The following PLSCR2 variants were observed in gnomAD, a reference collection of about 807,000 sequenced individuals.
PLSCR2 encodes PL scramblase 2.
PLSCR2 carries 18 observed loss-of-function variants against 25.3 expected under a neutral mutation model. The observed-to-expected ratio is 0.71, with a 90% CI of 0.49 to 1.06. PLSCR2 has a LOEUF of 1.06. Among genes scored for constraint, PLSCR2 ranks in the 50% least tolerant of loss-of-function variants. PLSCR2 has a pLI of 0.00. For missense variants in PLSCR2, 243 were observed against 269.5 expected, an observed-to-expected ratio of 0.90 and a Z score of 0.69; for synonymous variants, 88 against 87.3, an observed-to-expected ratio of 1.01 and a Z score of -0.04.
At chr3:146,404,855 G>A (rs561376656) in intron 2 of PLSCR2, among the ~76,000 whole-genome samples, 1 of 146,550 alleles carries the variant, frequency 6.8e-6, no homozygotes, top group South Asian at 2.2e-4. Flanking sequence ...TCCCAGGTAA[G>A]TCCAAAGTCC....
chr3:146,451,190 C>G (rs928337139), intron 5 of PLSCR2, among the ~76,000 whole-genome samples: 3 of 143,718 alleles, frequency 2.1e-5, no homozygotes, highest in Non-Finnish European at 4.5e-5. Context: ...TCTCCGCTCA[C>G]TGCAACCTCC....
chr3:146,440,943 G>A (rs925678050), downstream of PLSCR2, among the ~76,000 whole-genome samples: 1 of 151,820 alleles, frequency 6.6e-6, no homozygotes, highest in African/African-American at 2.4e-5. Context: ...ACATATTCTG[G>A]GAATGATAGA....
chr3:146,481,532 G>A (rs560915340), intron 1 of PLSCR2, among the ~76,000 whole-genome samples: 1 of 152,276 alleles, frequency 6.6e-6, no homozygotes, highest in East Asian at 1.9e-4. Context: ...AGGATGTGAA[G>A]GACCTCTTCA....
intron 1 of PLSCR2, among the ~76,000 whole-genome samples, chr3:146,477,251 C>T (rs2042320881): frequency 2.0e-5 from 3 of 152,146 alleles, no homozygotes; most frequent in South Asian, 4.1e-4. Context: ...TGGGTGCAGC[C>T]CACGGAGGGT....
At chr3:146,434,992 A>G (rs935698843) in intron 8 of PLSCR2, among the ~76,000 whole-genome samples, 1 of 142,188 alleles carries the variant, frequency 7.0e-6, no homozygotes, top group Admixed American at 7.6e-5. Flanking sequence ...TCATTATTCA[A>G]TTCCCACCTA....
intron 1 of PLSCR2, chr3:146,469,071 C>T (rs746309141): frequency 1.2e-4 from 111 of 947,354 alleles, no homozygotes; most frequent in Admixed American, 8.6e-4. Flanking sequence ...CTAGCATAGA[C>T]GTGGGCTCCT....
At chr3:146,470,545 TCAAA>T (rs972789680) in intron 1 of PLSCR2, among the ~76,000 whole-genome samples, 6 of 152,056 alleles carry the variant, frequency 3.9e-5, no homozygotes, top group Non-Finnish European at 7.4e-5. Context: ...AAGACTCGTC[TCAAA>T]CAAACAAACA....
At chr3:146,471,848 G>C (rs1350712713) in intron 1 of PLSCR2, among the ~76,000 whole-genome samples, 1 of 152,140 alleles carries the variant, frequency 6.6e-6, no homozygotes, top group Non-Finnish European at 1.5e-5. Flanking sequence ...GCAGGCGTGA[G>C]CCACCATGCC....
chr3:146,429,827 G>A (rs1443646385), downstream of PLSCR2, among the ~76,000 whole-genome samples: 4 of 151,896 alleles, frequency 2.6e-5, no homozygotes, highest in Non-Finnish European at 4.4e-5. Context: ...GGGTTTCACC[G>A]TGTTAGCCAG....
intron 3 of PLSCR2, among the ~76,000 whole-genome samples, chr3:146,393,485 A>G (rs1339595824): frequency 6.6e-6 from 1 of 151,908 alleles, no homozygotes; most frequent in Non-Finnish European, 1.5e-5. Context: ...AACAATATTT[A>G]TTTGAGAAAA....
intron 2 of PLSCR2, among the ~76,000 whole-genome samples, chr3:146,396,334 T>C (rs1251774071): frequency 6.6e-6 from 1 of 152,174 alleles, no homozygotes; most frequent in Non-Finnish European, 1.5e-5. Flanking sequence ...TTCTCTCTGT[T>C]ACTTACCTAA....
chr3:146,435,092 G>T (rs2039763272), intron 8 of PLSCR2, among the ~76,000 whole-genome samples: 1 of 151,976 alleles, frequency 6.6e-6, no homozygotes, highest in Non-Finnish European at 1.5e-5. Flanking sequence ...CCCTACAAAG[G>T]ACATGAACTC....
chr3:146,410,135 G>A (rs746697236), intron 2 of PLSCR2, among the ~76,000 whole-genome samples: 4 of 151,456 alleles, frequency 2.6e-5, no homozygotes, highest in Admixed American at 6.6e-5. Context: ...GCCAAGTCTT[G>A]GAGACGCTGA....
At chr3:146,423,263 C>CTG (rs2039216636) in intron 2 of PLSCR2, among the ~76,000 whole-genome samples, 1 of 146,134 alleles carries the variant, frequency 6.8e-6, no homozygotes, top group Non-Finnish European at 1.5e-5. Flanking sequence ...CTCTCTCTCT[C>CTG]TCTCTCTCTC....
intron 2 of PLSCR2, among the ~76,000 whole-genome samples, chr3:146,414,346 CCTGGAT>C (rs1342550781): frequency 6.6e-6 from 1 of 152,172 alleles, no homozygotes; most frequent in African/African-American, 2.4e-5. Flanking sequence ...TCAGTGCAAT[CCTGGAT>C]CTGACTCTTC....
chr3:146,491,752 A>T (rs968635), intron 1 of PLSCR2, among the ~76,000 whole-genome samples: 49,107 of 151,880 alleles, frequency 0.32, 7,986 homozygotes, highest in South Asian at 0.41. Flanking sequence ...CTTGGATCAT[A>T]TTATTAGTTT....
chr3:146,481,659 G>A (rs138033188), intron 1 of PLSCR2, among the ~76,000 whole-genome samples: 4,227 of 152,206 alleles, frequency 0.028, 219 homozygotes, highest in African/African-American at 0.096. Context: ...ACTGCCCAAG[G>A]TAATTTATAG....
At chr3:146,435,174 A>G (rs375911348) in intron 8 of PLSCR2, among the ~76,000 whole-genome samples, 1 of 152,060 alleles carries the variant, frequency 6.6e-6, no homozygotes, top group African/African-American at 2.4e-5. Context: ...TCTATCATTG[A>G]TGGATATTTG....
chr3:146,461,993 C>T, upstream of PLSCR2: 1 of 989,558 alleles, frequency 1.0e-6, no homozygotes, highest in South Asian at 1.7e-5. Context: ...GTCAACAACA[C>T]ATTTAGTATT....
Sources: allele counts gnomAD v4.1 joint callset (sites outside exome capture counted in the v4.1 genomes callset), GRCh38; gene constraint gnomAD v4.1.1; transcripts MANE v1.5; gene names NCBI Gene and HGNC (gene_info 2026-07-23, HGNC 2026-07-21).